PLCB4: variants seen among roughly 807,000 people sequenced by gnomAD.
PLCB4 encodes the protein 1-phosphatidylinositol 4,5-bisphosphate phosphodiesterase beta-4.
In PLCB4, 77 loss-of-function variants were observed where a neutral mutation model predicts 178.8. The ratio of observed to expected loss-of-function variants is 0.43; its 90% CI spans 0.36 to 0.52. PLCB4 has a LOEUF of 0.52. Ranked by LOEUF, PLCB4 falls within the 20% of genes least tolerant of loss-of-function variation. The probability of loss-of-function intolerance (pLI) is 0.00; values close to 1 mark genes in which losing one functional copy is unlikely to be tolerated. For missense variants in PLCB4, 1,024 were observed against 1,453.4 expected (o/e 0.70, Z 4.80); for synonymous variants, 496 against 490.8 (o/e 1.01, Z -0.14).
intron 2 of PLCB4, among the ~76,000 whole-genome samples, chr20:9,177,276 C>G (rs1195506150): frequency 6.6e-6 from 1 of 152,102 alleles, no homozygotes; most frequent in Non-Finnish European, 1.5e-5. Context: ...GCTGGAATTG[C>G]TGAATAGTGT....
rs2039673152 is a variant in PLCB4, at chr20:9,409,055, A to C, written c.1875-2A>C. 2 of 1,608,968 alleles carry C rather than the reference A, an allele frequency of 1.2e-6. No homozygotes were observed. Among genetic ancestry groups the C allele is most frequent in the African/African-American group, 2.7e-5 (2 of 74,378 alleles). ...TTTTCTGTTTTCCTTAATAAGTTAC[A>C]GTTATAACAAACGGCAAATGAGTCG... is the stretch of plus-strand genomic sequence containing the variant. On this transcript the variant is annotated splice_acceptor_variant, in intron 23 of 39. Coordinates refer to ENST00000378473, the MANE Select transcript of PLCB4 (RefSeq NM_001377142.1). LOFTEE classifies it high-confidence loss of function.
Position 9,446,506 on chromosome 20 carries a change from C to T in PLCB4, c.2880+2263C>T, listed in dbSNP as rs994929364. Among the ~76,000 whole-genome samples the T allele has an allele frequency of 3.9e-5, 6 of 152,178 alleles. No homozygotes were observed. The East Asian group carries it at 5.8e-4, about 15-fold the overall frequency. On this transcript the variant is annotated intron_variant, in intron 32 of 39. Transcript: ENST00000378473. Reference sequence around the variant, plus strand: ...ATTAACTCCCTGGAGCCATCATGCCCGGCCCAAGCTAACTTCTAAGATGAA... The same window carrying T: ...ATTAACTCCCTGGAGCCATCATGCCTGGCCCAAGCTAACTTCTAAGATGAA...
At chr20:9,070,550 G>T (rs1291939277) in intron 1 of PLCB4, among the ~76,000 whole-genome samples, 1 of 152,164 alleles carries the variant, frequency 6.6e-6, no homozygotes, top group East Asian at 1.9e-4. Context: ...AGTCTTGCAT[G>T]ATCCTTAGCT....
intron 32 of PLCB4, among the ~76,000 whole-genome samples, chr20:9,446,231 C>T (rs1224702437): frequency 6.6e-6 from 1 of 152,194 alleles, no homozygotes; most frequent in Non-Finnish European, 1.5e-5. Flanking sequence ...TAGGAAGCAG[C>T]ATAGCTGATA....
In PLCB4 at chr20:9,230,292, G is replaced by T. The variant is rs758179102; in HGVS notation, c.-16+12840G>T. 3.0e-4 allele frequency among the ~76,000 whole-genome samples: 45 copies of T among 152,216 alleles called. No individual in the cohort carries two copies. In the Middle Eastern group the frequency reaches 0.01, roughly 35 times the overall value. On this transcript the variant is annotated intron_variant, in intron 3 of 39. Coordinates refer to ENST00000378473, the MANE Select transcript of PLCB4 (RefSeq NM_001377142.1). Reference sequence around the variant, plus strand: ...CCAAATACAAATACAATCATGTTCTGAGGTACTTGGGGGTTAAGGCTTCAA... The same window carrying T: ...CCAAATACAAATACAATCATGTTCTTAGGTACTTGGGGGTTAAGGCTTCAA...
chr20:9,237,410 C>T (rs1182574087), intron 3 of PLCB4, among the ~76,000 whole-genome samples: 1 of 152,012 alleles, frequency 6.6e-6, no homozygotes, highest in Non-Finnish European at 1.5e-5. Flanking sequence ...CAGCAATGGC[C>T]CTGAATGAAA....
chr20:9,102,200 G>A lies in PLCB4; in HGVS notation c.-79+5858G>A, dbSNP rs754750908. Among the ~76,000 whole-genome samples, 11 of 152,190 alleles carry A rather than the reference G, an allele frequency of 7.2e-5. No individual in the cohort carries two copies. The South Asian group carries it at 1.0e-3, about 14-fold the overall frequency. ...CCTCTTGGATCACTACAAAGATTGC[G>A]GTAACTGAGAATGCAAGTTCAGTGA... is the stretch of plus-strand genomic sequence containing the variant. On this transcript the variant is annotated intron_variant, in intron 2 of 39. Coordinates refer to ENST00000378473, the MANE Select transcript of PLCB4 (RefSeq NM_001377142.1).
intron 36 of PLCB4, among the ~76,000 whole-genome samples, chr20:9,470,492 C>T (rs764987248): frequency 6.6e-5 from 10 of 152,102 alleles, no homozygotes; most frequent in African/African-American, 9.7e-5. Flanking sequence ...CTGTTTTAGA[C>T]TATCCAAAGT....
At chr20:9,396,473 T>C (rs1455437862) in intron 19 of PLCB4, among the ~76,000 whole-genome samples, 2 of 152,238 alleles carry the variant, frequency 1.3e-5, no homozygotes, top group Non-Finnish European at 2.9e-5. Context: ...AATATTTGAG[T>C]ATGTGCTATT....
intron 1 of PLCB4, among the ~76,000 whole-genome samples, chr20:9,076,973 T>C (rs971209330): frequency 1.3e-5 from 2 of 152,102 alleles, no homozygotes; most frequent in Non-Finnish European, 1.5e-5. Context: ...TTGGCAATAG[T>C]TTAGAATGCC....
At chr20:9,186,354 A>C (rs1430630907) in intron 2 of PLCB4, among the ~76,000 whole-genome samples, 2 of 152,240 alleles carry the variant, frequency 1.3e-5, no homozygotes, top group Non-Finnish European at 2.9e-5. Context: ...ATGACAGATT[A>C]GTCTCTGCCA....
chr20:9,085,067 A>AAAAAAAG (rs10626848), intron 1 of PLCB4, among the ~76,000 whole-genome samples: 3 of 143,404 alleles, frequency 2.1e-5, no homozygotes, highest in Non-Finnish European at 4.6e-5. Flanking sequence ...AAAAAAAAAA[A>AAAAAAAG]AGAATATATT....
intron 7 of PLCB4, among the ~76,000 whole-genome samples, chr20:9,346,432 G>C (rs750435555): frequency 3.3e-5 from 5 of 152,186 alleles, no homozygotes; most frequent in Non-Finnish European, 5.9e-5. Flanking sequence ...TACTAAAGCA[G>C]CTAAATTGTA....
chr20:9,259,576 T>A (rs2094275648), intron 3 of PLCB4, among the ~76,000 whole-genome samples: 1 of 152,026 alleles, frequency 6.6e-6, no homozygotes, highest in Admixed American at 6.6e-5. Flanking sequence ...AATATTGAAA[T>A]AAAACTGGCA....
chr20:9,105,322 T>A (rs759449385), intron 2 of PLCB4, among the ~76,000 whole-genome samples: 23 of 152,226 alleles, frequency 1.5e-4, no homozygotes, highest in Non-Finnish European at 2.5e-4. Context: ...AAAACTGAAT[T>A]GTAGGACATA....
Position 9,435,558 on chromosome 20 carries a change from A to G in PLCB4, c.2525-2A>G. Reference sequence around the variant, plus strand: ...GGCTCATTGGGTTTTTTTTTCCCCTAGATATCGTGGATGCTTTATCAGATC... The same window carrying G: ...GGCTCATTGGGTTTTTTTTTCCCCTGGATATCGTGGATGCTTTATCAGATC... On this transcript the variant is annotated splice_acceptor_variant, in intron 28 of 39. Coordinates refer to ENST00000378473, the MANE Select transcript of PLCB4 (RefSeq NM_001377142.1). LOFTEE classifies it high-confidence loss of function. 1 of 1,565,158 alleles carries G rather than the reference A, an allele frequency of 6.4e-7. No homozygotes were observed. The highest frequency in any genetic ancestry group is 8.8e-7 in the Non-Finnish European group (1 of 1,137,940).
Position 9,098,714 on chromosome 20 carries a change from TAC to T in PLCB4, c.-79+2373_-79+2374del. The stretch of plus-strand genomic sequence containing the variant: ...GTATATATGTACATATATACATATA[TAC>T]GTGTGTGTGTATATATATACATATA... On this transcript the variant is annotated intron_variant, in intron 2 of 39. Transcript: ENST00000378473. 2.8e-5 allele frequency among the ~76,000 whole-genome samples: 4 copies of T among 143,504 alleles called. No individual in the cohort carries two copies. In the South Asian group the frequency reaches 9.1e-4, roughly 32 times the overall value. 94.1% of individuals were successfully genotyped at this position (143,504 alleles called of 152,430 possible). A position where few individuals can be genotyped will look rare whatever the true frequency, so the allele number is the denominator to read the frequency against.
At chr20:9,408,977 C>T (rs929265278) in intron 23 of PLCB4, 80 bp from the exon 24 acceptor site, 61 of 1,298,138 alleles carry the variant, frequency 4.7e-5, no homozygotes, top group Non-Finnish European at 6.2e-5. Context: ...TTGGCCTAGA[C>T]CTTTGTTGTT....
At chr20:9,464,175 G>A (rs924465364) in intron 35 of PLCB4, among the ~76,000 whole-genome samples, 1 of 152,180 alleles carries the variant, frequency 6.6e-6, no homozygotes, top group African/African-American at 2.4e-5. Context: ...GCTCCTGAAT[G>A]ACTACTGGGT....
Sources: gnomAD v4.1 joint callset for allele counts (sites outside exome capture counted in the v4.1 genomes callset) on GRCh38, gnomAD v4.1.1 for gene constraint, MANE v1.5 for transcripts, NCBI Gene and HGNC (gene_info 2026-07-23, HGNC 2026-07-21) for gene names.